Variants in RPL19 observed in about 807,000 individuals in gnomAD.
The protein encoded by RPL19 is large ribosomal subunit protein eL19.
A neutral mutation model predicts 25.1 loss-of-function variants in RPL19; 2 were observed. The ratio of observed to expected loss-of-function variants is 0.08; its 90% CI spans 0.03 to 0.25. The LOEUF is 0.25. RPL19 is among the 10% of genes least tolerant of loss of function. RPL19 has a pLI of 1.00. For missense variants in RPL19, 123 were observed against 271.8 expected (o/e 0.45, Z 3.85); for synonymous variants, 89 against 91.2 (o/e 0.98, Z 0.14).
At chr17:39,204,491 C>G (rs1216366496) in intron 5 of RPL19, 34 bp from the exon 6 acceptor site, 1 of 1,613,062 alleles carries the variant, frequency 6.2e-7, no homozygotes. Context: ...TCATCTCTTC[C>G]CAAACTGACC....
rs759519136 is a variant in RPL19 at position 39,203,127 on chromosome 17, G to T, written c.356+18G>T. Reference sequence around the variant, plus strand: ...CGCCACATGTAAGCACACCCTCTTGGGCCCAGTACCCATTTGCTGCTTTGA... The same window carrying T: ...CGCCACATGTAAGCACACCCTCTTGTGCCCAGTACCCATTTGCTGCTTTGA... On this transcript the variant is annotated intron_variant, in intron 4 of 5. Transcript: ENST00000225430. The T allele has an allele frequency of 2.6e-5, 41 of 1,606,642 alleles. No homozygotes were observed. Among genetic ancestry groups the T allele is most frequent in the Non-Finnish European group, 3.3e-5 (39 of 1,175,588 alleles).
At chr17:39,201,154 A>G (rs772743158) in intron 1 of RPL19, 59 bp from the exon 2 acceptor site, 24 of 1,103,592 alleles carry the variant, frequency 2.2e-5, no homozygotes, top group African/African-American at 7.8e-5. Flanking sequence ...CTTGATGGGG[A>G]CGTTCATTCT....
chr17:39,201,768 C>T (rs2046291914), intron 2 of RPL19, among the ~76,000 whole-genome samples: 2 of 152,056 alleles, frequency 1.3e-5, no homozygotes, highest in Admixed American at 1.3e-4. Flanking sequence ...GATGGGGTTT[C>T]ATCATGTTGG....
rs761904530 is a variant in RPL19 at position 39,203,082 on chromosome 17, G to A, written c.329G>A (p.Arg110His). The change falls in exon 4 of 6, where the codon CGT (arginine) becomes CAT (histidine). Residue 110 changes from arginine (R) to histidine (H), a missense_variant. Coordinates refer to ENST00000225430, the MANE Select transcript of RPL19 (RefSeq NM_000981.4). ...RILRRLLRRYRESKKIDRHMY... is the reference protein window; with the variant it reads ...RILRRLLRRYHESKKIDRHMY... ...TTGCGCCGGCTGCTCAGAAGATACC[G>A]TGAATCTAAGAAGATCGATCGCCAC... The A allele has an allele frequency of 1.2e-6, 2 of 1,613,074 alleles. No individual in the cohort carries two copies. Among genetic ancestry groups the A allele is most frequent in the South Asian group, 1.1e-5 (1 of 91,070 alleles).
intron 2 of RPL19, 119 bp from the exon 3 acceptor site, chr17:39,202,198 T>C (rs976332542): frequency 8.0e-7 from 1 of 1,254,590 alleles, no homozygotes; most frequent in East Asian, 2.4e-5. Flanking sequence ...TTCCAGTGTT[T>C]CCATCCTTTT....
chr17:39,202,318 T>A lies in RPL19; in HGVS notation c.114T>A (p.Arg38=), dbSNP rs373056984. 6.8e-6 allele frequency: 11 copies of A among 1,613,422 alleles called. No homozygotes were observed. In the African/African-American group the frequency reaches 1.5e-4, roughly 22 times the overall value. ...ACCAGGTGCATTATGCTTTCCCAGGTCAGCAGATCCGGAAGCTCATCAAAG... is the reference window on the plus strand; with the variant it reads ...ACCAGGTGCATTATGCTTTCCCAGGACAGCAGATCCGGAAGCTCATCAAAG... ...ETNEIANANS[R]QQIRKLIKDG... is the part of the protein sequence containing the mutation. Residue 38 remains arginine (R), a splice_region_variant and synonymous_variant, in exon 3 of 6, where the codon CGT becomes CGA. Transcript: ENST00000225430.
intron 3 of RPL19, chr17:39,202,711 C>T (rs559928815): frequency 3.4e-6 from 2 of 593,352 alleles, no homozygotes; most frequent in Admixed American, 3.0e-5. Flanking sequence ...AAGCTCCTTA[C>T]AACGTGCTGT....
chr17:39,200,807 A>AGCC, intron 1 of RPL19: 1 of 1,003,192 alleles, frequency 1.0e-6, no homozygotes, highest in Non-Finnish European at 1.2e-6. Flanking sequence ...CTCTGCGAAT[A>AGCC]GCCGAACGAG....
At position 39,204,702 on chromosome 17, in the gene RPL19, T is replaced by C. The variant is rs890578497; in HGVS notation, c.*54T>C. ...CCTCTGTGATTACATAGATCAGCCA[T>C]TAAAATAAAACAAGCCTTAATCTGC... On this transcript the variant is annotated 3_prime_UTR_variant, in exon 6 of 6. Coordinates refer to ENST00000225430, the MANE Select transcript of RPL19 (RefSeq NM_000981.4). The C allele has an allele frequency of 6.4e-7, 1 of 1,570,300 alleles. No homozygotes were observed. Among genetic ancestry groups the C allele is most frequent in the African/African-American group, 1.4e-5 (1 of 73,418 alleles).
intron 4 of RPL19, among the ~76,000 whole-genome samples, chr17:39,203,444 G>A (rs2046304288): frequency 6.6e-6 from 1 of 151,024 alleles, no homozygotes; most frequent in African/African-American, 2.5e-5. Context: ...GCCTCCCAAA[G>A]TGCTGGGGTT....
chr17:39,204,606 G>A lies in RPL19; in HGVS notation c.549G>A (p.Glu183=). The A allele has an allele frequency of 2.5e-6, 4 of 1,614,122 alleles. No individual in the cohort carries two copies. The highest frequency in any genetic ancestry group is 2.5e-6 in the Non-Finnish European group (3 of 1,180,000). Residue 183 remains glutamate (E), a synonymous_variant, in exon 6 of 6, where the codon GAG becomes GAA. Transcript: ENST00000225430. The part of the protein sequence containing the change: ...REERLQAKKE[E]IIKTLSKEEE... ...AGCGCCTCCAGGCCAAGAAGGAGGA[G>A]ATCATCAAGACTTTATCCAAGGAGG...
At position 39,204,176 on chromosome 17, in the gene RPL19, G is replaced by A. The variant is rs1421836231; in HGVS notation, c.456G>A (p.Lys152=). Residue 152 remains lysine, a synonymous_variant, in exon 5 of 6, where the codon AAG becomes AAA. Coordinates refer to ENST00000225430, the MANE Select transcript of RPL19 (RefSeq NM_000981.4). ...AGCTGAAGGCAGACAAGGCCCGCAA[G>A]AAGCTCCTGGCGTAAGTTTCTTTTC... ...IHKLKADKAR[K]KLLADQAEAR... 8 of 1,604,376 alleles carry A rather than the reference G, an allele frequency of 5.0e-6. No individual in the cohort carries two copies. Among genetic ancestry groups the A allele is most frequent in the African/African-American group, 1.3e-5 (1 of 74,736 alleles).
chr17:39,200,760 G>T, intron 1 of RPL19: 3 of 1,049,284 alleles, frequency 2.9e-6, no homozygotes, highest in Non-Finnish European at 3.4e-6. Flanking sequence ...TCTAACTCTT[G>T]ACTCCATTCA....
chr17:39,201,065 C>T, intron 1 of RPL19, 148 bp from the exon 2 acceptor site: 1 of 618,766 alleles, frequency 1.6e-6, no homozygotes. Context: ...AGGGGGCCAG[C>T]TGCATAGCCC....
chr17:39,202,837 A>T (rs1446738679), intron 3 of RPL19, 152 bp from the exon 4 acceptor site: 2 of 821,756 alleles, frequency 2.4e-6, no homozygotes, highest in East Asian at 5.1e-5. Context: ...CGTAGTTGGG[A>T]TCATCATCTG....
Position 39,201,415 on chromosome 17 carries a change from T to TTA in RPL19, c.112+97_112+98dup. The TTA allele has an allele frequency of 6.7e-6, 5 of 745,816 alleles. No homozygotes were observed. In the South Asian group the frequency reaches 8.6e-5, roughly 13 times the overall value. The allele number at this position is 745,816 out of a possible 1,614,324, so 46.2% of individuals were successfully genotyped here. ...ATTGTGTTGACTTTTTTTTTTTTTT[T>TTA]TAGACAGTCTTGCTCTGTTGTCCAG... is the stretch of plus-strand genomic sequence containing the variant. On this transcript the variant is annotated intron_variant, in intron 2 of 5. Transcript: ENST00000225430.
chr17:39,200,432 G>A (rs377559509), intron 1 of RPL19, 83 bp downstream of exon 1: 1 of 1,346,108 alleles, frequency 7.4e-7, no homozygotes, highest in Non-Finnish European at 9.7e-7. Context: ...GGGGTTGGGG[G>A]AGATGAAATG....
At chr17:39,200,871 C>T (rs906352303) in intron 1 of RPL19, 6 of 627,194 alleles carry the variant, frequency 9.6e-6, no homozygotes, top group African/African-American at 5.8e-5. Context: ...AGTAACTTGC[C>T]TGCATTCCTA....
At chr17:39,203,253 C>T (rs1006019958) in intron 4 of RPL19, 144 bp downstream of exon 4, 2 of 805,342 alleles carry the variant, frequency 2.5e-6, no homozygotes, top group African/African-American at 3.9e-5. Context: ...GCGATCTCAG[C>T]TCACTACAAC....
Sources: allele counts gnomAD v4.1 joint callset (sites outside exome capture counted in the v4.1 genomes callset), GRCh38; gene constraint gnomAD v4.1.1; transcripts MANE v1.5; gene names NCBI Gene and HGNC (gene_info 2026-07-23, HGNC 2026-07-21).